The following SLC14A2 variants were observed in gnomAD, a reference collection of about 807,000 sequenced individuals.
SLC14A2 encodes the protein urea transporter 2.
Under a neutral mutation model 104.6 loss-of-function variants are expected in SLC14A2, and 91 were observed. The observed-to-expected ratio is 0.87, with a 90% CI of 0.73 to 1.04. SLC14A2 has a LOEUF of 1.04. Ranked by LOEUF, SLC14A2 falls within the 50% of genes least tolerant of loss-of-function variation. SLC14A2 has a pLI of 0.00. For missense variants in SLC14A2, 1,189 were observed against 1,156.0 expected (o/e 1.03, Z -0.41); for synonymous variants, 476 against 466.4 (o/e 1.02, Z -0.27).
chr18:45,331,240 G>T lies in SLC14A2; in HGVS notation c.-125+118049G>T, dbSNP rs551549380. On this transcript the variant is annotated intron_variant, in intron 1 of 20. Coordinates refer to the SLC14A2 transcript ENST00000586448. ...GGAACCCAGTGAAGTAAAACCTAAA[G>T]CCAAGTCTCCTGTAATATCCCCTTA... Among the ~76,000 whole-genome samples the T allele has an allele frequency of 3.3e-5, 5 of 152,232 alleles. No homozygotes were observed. The South Asian group carries it at 8.3e-4, about 25-fold the overall frequency.
intron 1 of SLC14A2, among the ~76,000 whole-genome samples, chr18:45,279,248 A>G (rs2084736531): frequency 6.6e-6 from 1 of 152,226 alleles, no homozygotes; most frequent in Non-Finnish European, 1.5e-5. Context: ...TATGAAGGAG[A>G]AATAGGAAGA....
intron 1 of SLC14A2, among the ~76,000 whole-genome samples, chr18:45,370,024 A>G (rs1462439603): frequency 2.6e-5 from 4 of 152,220 alleles, no homozygotes; most frequent in Non-Finnish European, 2.9e-5. Context: ...TTGAGGCTCT[A>G]GGCAAAGCCA....
chr18:45,592,979 AAAC>A (rs763587613), intron 2 of SLC14A2, among the ~76,000 whole-genome samples: 1 of 152,192 alleles, frequency 6.6e-6, no homozygotes, highest in Non-Finnish European at 1.5e-5. Flanking sequence ...CTGCGTTGTC[AAAC>A]AACTAAAGAT....
chr18:45,268,549 C>T (rs1375403163), intron 1 of SLC14A2, among the ~76,000 whole-genome samples: 2 of 152,164 alleles, frequency 1.3e-5, no homozygotes, highest in African/African-American at 2.4e-5. Context: ...TCTGATTTTT[C>T]CCCCTTTGTC....
chr18:45,448,403 G>A (rs1019081730), intron 1 of SLC14A2, among the ~76,000 whole-genome samples: 7 of 152,138 alleles, frequency 4.6e-5, no homozygotes, highest in African/African-American at 1.7e-4. Context: ...ATGTAAACTG[G>A]GAGAGCTCTA....
intron 1 of SLC14A2, among the ~76,000 whole-genome samples, chr18:45,221,057 C>T (rs2084057171): frequency 6.6e-6 from 1 of 152,230 alleles, no homozygotes; most frequent in African/African-American, 2.4e-5. Flanking sequence ...AGAGCCCTAT[C>T]TCCAACTACA....
chr18:45,664,675 A>T (rs924654370), intron 11 of SLC14A2, among the ~76,000 whole-genome samples: 1 of 152,150 alleles, frequency 6.6e-6, no homozygotes, highest in African/African-American at 2.4e-5. Context: ...TGCCTGAATG[A>T]CCTTCTTCCT....
chr18:45,302,017 G>C (rs1177004950), intron 1 of SLC14A2, among the ~76,000 whole-genome samples: 3 of 152,058 alleles, frequency 2.0e-5, no homozygotes, highest in Admixed American at 1.3e-4. Context: ...CCTCTGTTGG[G>C]TTCCTGCAGG....
chr18:45,669,022 C>T (rs1404185675), intron 15 of SLC14A2, among the ~76,000 whole-genome samples: 2 of 152,258 alleles, frequency 1.3e-5, no homozygotes, highest in Non-Finnish European at 2.9e-5. Context: ...TCCCCTCGGC[C>T]TCCCCAACCT....
At chr18:45,558,706 G>A (rs1225517051) in intron 2 of SLC14A2, among the ~76,000 whole-genome samples, 1 of 152,222 alleles carries the variant, frequency 6.6e-6, no homozygotes, top group Non-Finnish European at 1.5e-5. Flanking sequence ...TTCGCCACAA[G>A]TGTCCATTTG....
intron 2 of SLC14A2, among the ~76,000 whole-genome samples, chr18:45,567,125 G>A (rs2044278677): frequency 6.7e-6 from 1 of 148,340 alleles, no homozygotes; most frequent in Admixed American, 6.7e-5. Context: ...AAAGGACCAG[G>A]GAGCAAGGCT....
the SLC14A2 span, among the ~76,000 whole-genome samples, chr18:45,194,265 C>T: frequency 6.6e-6 from 1 of 152,148 alleles, no homozygotes; most frequent in Non-Finnish European, 1.5e-5. Flanking sequence ...AAAAACCTTG[C>T]CTTGTTCCTG....
At chr18:45,222,370 T>G (rs1475477569) in intron 1 of SLC14A2, among the ~76,000 whole-genome samples, 1 of 152,204 alleles carries the variant, frequency 6.6e-6, no homozygotes, top group Non-Finnish European at 1.5e-5. Context: ...GTCCTGTCCA[T>G]GAAGAACTGC....
At chr18:45,416,220 G>A (rs2086275402) in intron 1 of SLC14A2, among the ~76,000 whole-genome samples, 1 of 146,918 alleles carries the variant, frequency 6.8e-6, no homozygotes, top group Non-Finnish European at 1.5e-5. Flanking sequence ...AACCACTTGA[G>A]TTGGCTTTGT....
chr18:45,577,850 G>A (rs1231946300), intron 2 of SLC14A2, among the ~76,000 whole-genome samples: 1 of 152,180 alleles, frequency 6.6e-6, no homozygotes, highest in Non-Finnish European at 1.5e-5. Context: ...CACTCTGGTG[G>A]AGGGGAAAAG....
chr18:45,639,777 A>G lies in SLC14A2; in HGVS notation c.875A>G (p.Gln292Arg). ...LLQAIPVGVGQVYGCDNPWTG... is the reference protein window; with the variant it reads ...LLQAIPVGVGRVYGCDNPWTG... Reference sequence around the variant, plus strand: ...CAAGCCATCCCTGTTGGGGTCGGCCAGGTGTATGGCTGTGACAATCCCTGG... The same window carrying G: ...CAAGCCATCCCTGTTGGGGTCGGCCGGGTGTATGGCTGTGACAATCCCTGG... The change falls in exon 7 of 20, where the codon CAG becomes CGG. Residue 292 changes from glutamine to arginine, a missense_variant. Physicochemically the swap from Gln to Arg is conservative, Grantham distance 43. Coordinates refer to ENST00000255226, the MANE Select transcript of SLC14A2 (RefSeq NM_007163.4). 6.2e-7 allele frequency: 1 copy of G among 1,614,008 alleles called. No individual in the cohort carries two copies. The highest frequency in any genetic ancestry group is 8.5e-7 in the Non-Finnish European group (1 of 1,180,000).
At chr18:45,664,780 G>A (rs1316547191) in intron 11 of SLC14A2, among the ~76,000 whole-genome samples, 1 of 152,224 alleles carries the variant, frequency 6.6e-6, no homozygotes, top group African/African-American at 2.4e-5. Context: ...GAGGTGGAGA[G>A]GGGATTGCCG....
At chr18:45,450,992 G>A (rs1414742995) in intron 1 of SLC14A2, among the ~76,000 whole-genome samples, 1 of 152,216 alleles carries the variant, frequency 6.6e-6, no homozygotes, top group Non-Finnish European at 1.5e-5. Flanking sequence ...AAGGACAAGG[G>A]AGCCACGGTG....
At chr18:45,502,831 C>A (rs969666253) in intron 2 of SLC14A2, among the ~76,000 whole-genome samples, 2 of 151,956 alleles carry the variant, frequency 1.3e-5, no homozygotes, top group Non-Finnish European at 2.9e-5. Context: ...AATTCAGACC[C>A]AGGATCCTGG....
Sources: gnomAD v4.1 joint callset for allele counts (sites outside exome capture counted in the v4.1 genomes callset) on GRCh38, gnomAD v4.1.1 for gene constraint, MANE v1.5 for transcripts, NCBI Gene and HGNC (gene_info 2026-07-23, HGNC 2026-07-21) for gene names.